The following ZNF143 variants were observed in gnomAD, a reference collection of about 807,000 sequenced individuals.
ZNF143 encodes the protein SPH-binding factor.
Under a neutral mutation model 74.1 loss-of-function variants are expected in ZNF143, and 49 were observed. That is an observed-to-expected ratio of 0.66 (90% CI 0.53 to 0.84). The LOEUF (loss-of-function observed/expected upper bound fraction) is 0.84, where lower values mean the gene tolerates loss of function less well. ZNF143 is among the 40% of genes least tolerant of loss of function. The probability of loss-of-function intolerance (pLI) is 0.00; values close to 1 mark genes in which losing one functional copy is unlikely to be tolerated. For synonymous variants in ZNF143, 304 were observed against 282.8 expected, an observed-to-expected ratio of 1.07 and a Z score of -0.75; for missense variants, 637 against 793.4, an observed-to-expected ratio of 0.80 and a Z score of 2.37.
At chr11:9,477,544 C>T (rs776625679) in intron 5 of ZNF143, among the ~76,000 whole-genome samples, 17 of 151,986 alleles carry the variant, frequency 1.1e-4, no homozygotes, top group Non-Finnish European at 2.4e-4. Flanking sequence ...CGTGAGCCAC[C>T]ACAAAAGGCC....
intron 10 of ZNF143, among the ~76,000 whole-genome samples, chr11:9,499,553 A>G (rs1848082524): frequency 1.3e-5 from 2 of 152,312 alleles, no homozygotes; most frequent in South Asian, 4.1e-4. Flanking sequence ...GAAAAACAAC[A>G]AACTAGCCAG....
At chr11:9,487,432 T>C (rs937258389) in intron 7 of ZNF143, among the ~76,000 whole-genome samples, 1 of 151,546 alleles carries the variant, frequency 6.6e-6, no homozygotes. Context: ...TGATCTCAGC[T>C]CACTGCAAGC....
At position 9,471,353 on chromosome 11, in the gene ZNF143, G is replaced by A. The variant is rs746837457; in HGVS notation, c.45G>A (p.Glu15=). Residue 15 remains glutamate, a synonymous_variant, in exon 2 of 16, where the codon GAG becomes GAA. Transcript: ENST00000396602. ...ATCGAGATTCTCAGGGAATGACAGA[G>A]TTTCCTGGAGGAGGGATGGAGGCGC... is the stretch of plus-strand genomic sequence containing the variant. ...QINRDSQGMT[E]FPGGGMEAQH... The A allele has an allele frequency of 4.6e-5, 74 of 1,612,488 alleles. No individual in the cohort carries two copies. The highest frequency in any genetic ancestry group is 6.2e-5 in the Non-Finnish European group (73 of 1,179,490).
intron 12 of ZNF143, among the ~76,000 whole-genome samples, chr11:9,511,101 T>TC (rs1848524294): frequency 7.0e-6 from 1 of 142,838 alleles, no homozygotes; most frequent in East Asian, 2.0e-4. Context: ...TTTAACAGCT[T>TC]CTTTTTTTTT....
intron 11 of ZNF143, among the ~76,000 whole-genome samples, chr11:9,505,801 C>T (rs997738594): frequency 6.7e-6 from 1 of 149,978 alleles, no homozygotes; most frequent in Non-Finnish European, 1.5e-5. Context: ...GTTGCTTGAA[C>T]CTGGGAGGTG....
chr11:9,471,825 T>C (rs958599536), intron 2 of ZNF143, among the ~76,000 whole-genome samples: 1 of 152,154 alleles, frequency 6.6e-6, no homozygotes, highest in Non-Finnish European at 1.5e-5. Flanking sequence ...GTGCTGGGAT[T>C]ACAGGCATGA....
At chr11:9,464,218 A>T (rs1040967419) in intron 1 of ZNF143, among the ~76,000 whole-genome samples, 1 of 151,792 alleles carries the variant, frequency 6.6e-6, no homozygotes, top group African/African-American at 2.4e-5. Flanking sequence ...TGCAGCCTCA[A>T]CCTCCCTGGC....
intron 7 of ZNF143, among the ~76,000 whole-genome samples, chr11:9,491,283 G>A (rs1565043503): frequency 6.6e-6 from 1 of 151,688 alleles, no homozygotes; most frequent in Non-Finnish European, 1.5e-5. Context: ...TTTGAGACAG[G>A]GTCTTGCTTT....
At chr11:9,521,905 A>C (rs1848943688) in intron 14 of ZNF143, among the ~76,000 whole-genome samples, 2 of 152,114 alleles carry the variant, frequency 1.3e-5, no homozygotes, top group East Asian at 3.9e-4. Context: ...CATCTCTACT[A>C]AAAATACAAA....
At chr11:9,471,648 G>T (rs535235181) in intron 2 of ZNF143, among the ~76,000 whole-genome samples, 1 of 149,956 alleles carries the variant, frequency 6.7e-6, no homozygotes, top group South Asian at 2.1e-4. Flanking sequence ...TGCCTCCCAA[G>T]TCCAAGTGAT....
Position 9,473,926 on chromosome 11 carries a change from A to C in ZNF143, c.206-15A>C. The C allele has an allele frequency of 1.9e-6, 3 of 1,613,868 alleles. No homozygotes were observed. The highest frequency in any genetic ancestry group is 2.5e-6 in the Non-Finnish European group (3 of 1,179,750). On this transcript the variant is annotated splice_polypyrimidine_tract_variant and intron_variant, in intron 3 of 15. Coordinates refer to ENST00000396602, the MANE Select transcript of ZNF143 (RefSeq NM_003442.6). ...TTGTTTGTGCCAATTTATTGTCTTG[A>C]ATCTTTTGTTATAGATGCAAAACTC...
intron 1 of ZNF143, chr11:9,463,806 T>G (rs2133807989): frequency 6.6e-6 from 1 of 152,324 alleles, no homozygotes; most frequent in East Asian, 1.9e-4. Flanking sequence ...GTGCCTCTAC[T>G]ACATGGTTTT....
At chr11:9,489,624 A>G (rs1313677521) in intron 7 of ZNF143, among the ~76,000 whole-genome samples, 1 of 152,212 alleles carries the variant, frequency 6.6e-6, no homozygotes, top group Non-Finnish European at 1.5e-5. Context: ...AGAATAACAG[A>G]AAAGATTCAG....
intron 12 of ZNF143, among the ~76,000 whole-genome samples, chr11:9,510,972 C>G (rs1016800729): frequency 3.3e-5 from 5 of 152,050 alleles, no homozygotes; most frequent in Non-Finnish European, 7.4e-5. Flanking sequence ...TCATTGTGTA[C>G]TGATGGTTTG....
At chr11:9,508,035 A>C (rs1848423052) in intron 11 of ZNF143, among the ~76,000 whole-genome samples, 1 of 152,208 alleles carries the variant, frequency 6.6e-6, no homozygotes, top group South Asian at 2.1e-4. Flanking sequence ...AAGCTGTTTC[A>C]TGGGACAAAA....
intron 11 of ZNF143, among the ~76,000 whole-genome samples, chr11:9,505,878 CAAAA>C (rs1177848404): frequency 0.015 from 979 of 66,830 alleles, 15 homozygotes; most frequent in African/African-American, 0.043. Flanking sequence ...GACTCCATAT[CAAAA>C]AAAAAAAAAA....
intron 1 of ZNF143, among the ~76,000 whole-genome samples, chr11:9,462,462 C>T (rs141230874): frequency 1.3e-5 from 2 of 151,488 alleles, no homozygotes; most frequent in East Asian, 3.9e-4. Flanking sequence ...TACTTGGAGG[C>T]AGAGGTGAGA....
chr11:9,527,862 A>G lies in ZNF143; in HGVS notation c.*249A>G, dbSNP rs1849182361. On this transcript the variant is annotated 3_prime_UTR_variant, in exon 16 of 16. Coordinates refer to ENST00000396602, the MANE Select transcript of ZNF143 (RefSeq NM_003442.6). ...GGGCAATACAGTAAATTTTCATGTT[A>G]CTCTTTTATCAGATCACAAACTCCT... The G allele has an allele frequency of 2.8e-6, 1 of 357,318 alleles. No homozygotes were observed. Among genetic ancestry groups the G allele is most frequent in the South Asian group, 5.0e-5 (1 of 20,090 alleles). The allele number at this position is 357,318 out of a possible 1,614,324, so 22.1% of individuals were successfully genotyped here.
Position 9,527,608 on chromosome 11 carries a change from G to T in ZNF143, c.1912G>T (p.Asp638Tyr). ...IQQGETPGLD[D>Y] ...ACAAGGAGAAACGCCAGGGTTGGAT[G>T]ATTAATCCTCAGAACAATGGAGCAA... is the stretch of plus-strand genomic sequence containing the variant. The change falls in exon 16 of 16, where the codon GAT (aspartate) becomes TAT (tyrosine). Residue 638 changes from aspartate (D) to tyrosine (Y), a missense_variant. By Grantham distance (160) the Asp-to-Tyr change is radical. Around this residue, in one of 2 missense-constraint regions of ZNF143, gnomAD observed 344 missense variants for 485.6 expected, o/e 0.71. Coordinates refer to ENST00000396602, the MANE Select transcript of ZNF143 (RefSeq NM_003442.6). 1 of 1,613,668 alleles carries T rather than the reference G, an allele frequency of 6.2e-7. No individual in the cohort carries two copies. The highest frequency in any genetic ancestry group is 1.1e-5 in the South Asian group (1 of 91,054).
Sources: allele counts gnomAD v4.1 joint callset (sites outside exome capture counted in the v4.1 genomes callset), GRCh38; gene constraint gnomAD v4.1.1; regional missense constraint gnomAD v4.1.1; transcripts MANE v1.5; gene names NCBI Gene and HGNC (gene_info 2026-07-23, HGNC 2026-07-21).